CUX2: variants seen among roughly 807,000 people sequenced by gnomAD.
CUX2 encodes the protein homeobox protein cut-like 2.
In CUX2, 40 loss-of-function variants were observed where a neutral mutation model predicts 144.8. The observed-to-expected ratio is 0.28, with a 90% confidence interval of 0.21 to 0.36. CUX2 has a LOEUF of 0.36. Among genes scored for constraint, CUX2 ranks in the 10% least tolerant of loss-of-function variants. CUX2 has a pLI of 1.00. For missense variants in CUX2, 1,615 were observed against 1,994.0 expected (o/e 0.81, Z 3.62); for synonymous variants, 827 against 875.6 (o/e 0.94, Z 0.98).
intron 3 of CUX2, among the ~76,000 whole-genome samples, chr12:111,258,496 G>C (rs1031609395): frequency 1.4e-5 from 2 of 141,650 alleles, no homozygotes; most frequent in African/African-American, 2.6e-5. Flanking sequence ...CTGGGCGACA[G>C]AGCAAGACTC....
chr12:111,176,622 A>G (rs1878871565), intron 1 of CUX2, among the ~76,000 whole-genome samples: 2 of 152,144 alleles, frequency 1.3e-5, no homozygotes, highest in Non-Finnish European at 2.9e-5. Flanking sequence ...GATGGGGAAA[A>G]AAAGGTTGTT....
chr12:111,235,995 C>G (rs1592866546), intron 3 of CUX2, among the ~76,000 whole-genome samples: 1 of 152,130 alleles, frequency 6.6e-6, no homozygotes, highest in South Asian at 2.1e-4. Context: ...CCAGTGGGAC[C>G]TGGCACGGCC....
At chr12:111,150,481 A>G (rs1228011188) in intron 1 of CUX2, among the ~76,000 whole-genome samples, 5 of 152,200 alleles carry the variant, frequency 3.3e-5, no homozygotes, top group Admixed American at 3.3e-4. Context: ...GCTCCGGGAG[A>G]AAGCTGGTTC....
At chr12:111,075,295 A>G (rs1054499340) in intron 1 of CUX2, among the ~76,000 whole-genome samples, 1 of 152,220 alleles carries the variant, frequency 6.6e-6, no homozygotes, top group African/African-American at 2.4e-5. Flanking sequence ...CAATAGGATC[A>G]GGTCGAGGGG....
At chr12:111,038,354 C>T (rs1478145608) in intron 1 of CUX2, among the ~76,000 whole-genome samples, 2 of 152,346 alleles carry the variant, frequency 1.3e-5, no homozygotes, top group East Asian at 1.9e-4. Context: ...TGGCGGAATC[C>T]TAACTTTGGA....
intron 9 of CUX2, among the ~76,000 whole-genome samples, chr12:111,303,806 G>T (rs1886438180): frequency 1.3e-5 from 2 of 152,108 alleles, no homozygotes; most frequent in African/African-American, 4.8e-5. Context: ...CTTCAGACTA[G>T]CCAGGCCTGA....
rs748947011 is a variant in CUX2, at chr12:111,334,482, A to T, written c.2968A>T (p.Ser990Cys). 1 of 1,416,706 alleles carries T rather than the reference A, an allele frequency of 7.1e-7. No individual in the cohort carries two copies. Among genetic ancestry groups the T allele is most frequent in the Admixed American group, 2.1e-5 (1 of 46,844 alleles). The allele number at this position is 1,416,706 out of a possible 1,614,324, so 87.8% of individuals were successfully genotyped here. A position where few individuals can be genotyped will look rare whatever the true frequency, so the allele number is the denominator to read the frequency against. ...EPRSSPSPPP[S>C]PTEPEKSSQE... Reference sequence around the variant, plus strand: ...AAGGTCCTCACCATCCCCACCCCCCAGCCCCACAGAGCCTGAGAAGAGCTC... The same window carrying T: ...AAGGTCCTCACCATCCCCACCCCCCTGCCCCACAGAGCCTGAGAAGAGCTC... Residue 990 changes from serine (S) to cysteine (C), a missense_variant, in exon 19 of 22, where the codon AGC (serine) becomes TGC (cysteine). Ser to Cys is a moderately radical substitution (Grantham distance 112). Coordinates refer to ENST00000261726, the MANE Select transcript of CUX2 (RefSeq NM_015267.4).
At chr12:111,227,659 G>A (rs778807843) in intron 3 of CUX2, among the ~76,000 whole-genome samples, 3 of 152,090 alleles carry the variant, frequency 2.0e-5, no homozygotes, top group Non-Finnish European at 4.4e-5. Flanking sequence ...ATATTTTCTT[G>A]TTGGAAAACC....
rs1404206459 is a variant in CUX2 at position 111,289,346 on chromosome 12, GTC to G, written c.302-2069_302-2068del. Among the ~76,000 whole-genome samples the G allele has an allele frequency of 6.6e-6, 1 of 152,140 alleles. No homozygotes were observed. The highest frequency in any genetic ancestry group is 1.5e-5 in the Non-Finnish European group (1 of 68,050). On this transcript the variant is annotated intron_variant, in intron 4 of 21. Transcript: ENST00000261726. The surrounding 1 kb of genome is among the most constrained non-coding windows in gnomAD (Gnocchi z 4.1). Reference sequence around the variant, plus strand: ...ATCAAAGCAAGAGACCCAGATTCGAGTCTCACATCTACCTTTCAGCAAGTCAC... The same window carrying G: ...ATCAAAGCAAGAGACCCAGATTCGAGTCACATCTACCTTTCAGCAAGTCAC...
At chr12:111,189,709 T>G (rs1879763150) in intron 1 of CUX2, among the ~76,000 whole-genome samples, 1 of 152,178 alleles carries the variant, frequency 6.6e-6, no homozygotes, top group African/African-American at 2.4e-5. Context: ...CCTAGAGAAC[T>G]TGTTAAAATC....
Position 111,322,020 on chromosome 12 carries a change from A to T in CUX2, c.2767-401A>T, listed in dbSNP as rs1887559076. On this transcript the variant is annotated intron_variant, in intron 17 of 21. Transcript: ENST00000261726. This position sits in a 1 kb window ranked among gnomAD's most constrained non-coding sequence, Gnocchi z 4.2. Reference sequence around the variant, plus strand: ...GGCCGCCTGGACTCCAACAGAGGGGAGGGGAGGGGATGGGAGGCTGGGCAT... The same window carrying T: ...GGCCGCCTGGACTCCAACAGAGGGGTGGGGAGGGGATGGGAGGCTGGGCAT... Among the ~76,000 whole-genome samples the T allele has an allele frequency of 6.6e-6, 1 of 151,424 alleles. No individual in the cohort carries two copies. The highest frequency in any genetic ancestry group is 6.6e-5 in the Admixed American group (1 of 15,180).
At chr12:111,325,334 C>T (rs1258956829) in intron 18 of CUX2, among the ~76,000 whole-genome samples, 3 of 152,126 alleles carry the variant, frequency 2.0e-5, no homozygotes, top group African/African-American at 4.8e-5. Flanking sequence ...TGCTAATGAC[C>T]GCTGCCACTT....
At chr12:111,096,841 G>A (rs2136062185) in intron 1 of CUX2, among the ~76,000 whole-genome samples, 1 of 152,202 alleles carries the variant, frequency 6.6e-6, no homozygotes, top group Non-Finnish European at 1.5e-5. Context: ...AGCCAGGCAT[G>A]GTGGTGGGCA....
At chr12:111,239,727 G>A (rs767565730) in intron 3 of CUX2, among the ~76,000 whole-genome samples, 26 of 152,042 alleles carry the variant, frequency 1.7e-4, no homozygotes, top group South Asian at 1.2e-3. Context: ...TGTTTGTCTC[G>A]CCTGTTGCTT....
In CUX2 at chr12:111,034,316, G is replaced by A; in HGVS notation, c.63+76G>A. ...CCCTGGGCGCATTGGGGAGGTCCCC[G>A]GGCGGGCAGGCGGACGCCCTGGGGC... On this transcript the variant is annotated intron_variant, in intron 1 of 21. Coordinates refer to ENST00000261726, the MANE Select transcript of CUX2 (RefSeq NM_015267.4). This position sits in a 1 kb window ranked among gnomAD's most constrained non-coding sequence, Gnocchi z 4.2. 2.1e-6 allele frequency: 2 copies of A among 950,376 alleles called. No homozygotes were observed. The highest frequency in any genetic ancestry group is 3.4e-5 in the South Asian group (1 of 29,652). The allele number at this position is 950,376 out of a possible 1,614,324, so 58.9% of individuals were successfully genotyped here.
chr12:111,290,473 G>A (rs1441572646), intron 4 of CUX2, among the ~76,000 whole-genome samples: 1 of 152,134 alleles, frequency 6.6e-6, no homozygotes, highest in Non-Finnish European at 1.5e-5. Flanking sequence ...TGTCCCCCAG[G>A]CTGGAGTGCA....
intron 1 of CUX2, among the ~76,000 whole-genome samples, chr12:111,040,782 C>T (rs1037038155): frequency 6.6e-6 from 1 of 152,148 alleles, no homozygotes; most frequent in African/African-American, 2.4e-5. Flanking sequence ...GCTTCGTGGA[C>T]CATAAGCCTC....
chr12:111,039,431 A>T lies in CUX2; in HGVS notation c.63+5191A>T, dbSNP rs920105538. On this transcript the variant is annotated intron_variant, in intron 1 of 21. Coordinates refer to ENST00000261726, the MANE Select transcript of CUX2 (RefSeq NM_015267.4). The surrounding 1 kb of genome is among the most constrained non-coding windows in gnomAD (Gnocchi z 4.2). The stretch of plus-strand genomic sequence containing the variant: ...TCCTGGGTGAATCATCCCACATCCC[A>T]AGTCTCCTGCTTCTTAACCCTTGAA... Among the ~76,000 whole-genome samples the T allele has an allele frequency of 6.6e-6, 1 of 152,168 alleles. No homozygotes were observed. Among genetic ancestry groups the T allele is most frequent in the Non-Finnish European group, 1.5e-5 (1 of 68,026 alleles).
Position 111,308,235 on chromosome 12 carries a change from TC to T in CUX2, c.1110-48del, listed in dbSNP as rs757427823. 29 of 1,608,402 alleles carry T rather than the reference TC, an allele frequency of 1.8e-5. No individual in the cohort carries two copies. In the East Asian group the frequency reaches 6.2e-4, roughly 35 times the overall value. ...TCAGTGCCTCTTGAAAGACCTCTCC[TC>T]CAGCCCGGGGGCTGGCTGACCTCAG... On this transcript the variant is annotated intron_variant, in intron 12 of 21. Coordinates refer to ENST00000261726, the MANE Select transcript of CUX2 (RefSeq NM_015267.4).
Sources: gnomAD v4.1 joint callset for allele counts (sites outside exome capture counted in the v4.1 genomes callset) on GRCh38, gnomAD v4.1.1 for gene constraint, Gnocchi (gnomAD v3.1) non-coding constraint, MANE v1.5 for transcripts, NCBI Gene and HGNC (gene_info 2026-07-23, HGNC 2026-07-21) for gene names.